GRM8: variants seen among roughly 807,000 people sequenced by gnomAD.
GRM8 encodes the protein glutamate metabotropic receptor 8.
Under a neutral mutation model 87.2 loss-of-function variants are expected in GRM8, and 47 were observed. That is an observed-to-expected ratio of 0.54 (90% CI 0.43 to 0.69). The LOEUF (loss-of-function observed/expected upper bound fraction) is 0.69, where lower values mean the gene tolerates loss of function less well. Among genes scored for constraint, GRM8 ranks in the 30% least tolerant of loss-of-function variants. The pLI is 0.00. For synonymous variants in GRM8, 396 were observed against 404.5 expected (o/e 0.98, Z 0.25); for missense variants, 1,019 against 1,139.2 (o/e 0.89, Z 1.52).
At chr7:126,646,517 G>T (rs1163977813) in intron 7 of GRM8, among the ~76,000 whole-genome samples, 2 of 151,986 alleles carry the variant, frequency 1.3e-5, no homozygotes, top group Non-Finnish European at 2.9e-5. Flanking sequence ...CATTTCAAAG[G>T]CTACAAATTG....
At chr7:126,472,198 G>T (rs1466795234) in intron 9 of GRM8, among the ~76,000 whole-genome samples, 1 of 152,076 alleles carries the variant, frequency 6.6e-6, no homozygotes, top group Non-Finnish European at 1.5e-5. Context: ...CTGCCTAATT[G>T]CTCTGGCCAG....
Position 126,473,127 on chromosome 7 carries a change from G to A in GRM8, c.2431-26755C>T, listed in dbSNP as rs189863290. Among the ~76,000 whole-genome samples the A allele has an allele frequency of 1.0e-3, 152 of 152,274 alleles. 1 individual carries two copies. Among genetic ancestry groups the A allele is most frequent in the African/African-American group, 3.5e-3 (145 of 41,578 alleles). ...GTCCCCACTGGGGCACTGCCTAGTG[G>A]AGCTGTGAGAAGAGGGCCACTGTCC... On this transcript the variant is annotated intron_variant, in intron 9 of 10. Transcript: ENST00000339582.
At chr7:126,782,080 A>G (rs564260278) in intron 6 of GRM8, among the ~76,000 whole-genome samples, 2 of 152,342 alleles carry the variant, frequency 1.3e-5, no homozygotes, top group African/African-American at 2.4e-5. Flanking sequence ...TTGGTCACAC[A>G]CAGCGTATTT....
intron 3 of GRM8, among the ~76,000 whole-genome samples, chr7:127,052,708 G>C (rs17862273): frequency 0.08 from 12,136 of 151,906 alleles, 525 homozygotes; most frequent in South Asian, 0.13. Context: ...TCTCCTTATC[G>C]CTCACCCCAA....
rs781604600 is a variant in GRM8 at position 127,243,083 on chromosome 7, C to T, written c.122G>A (p.Arg41Gln). 7.4e-6 allele frequency: 12 copies of T among 1,613,960 alleles called. No homozygotes were observed. The highest frequency in any genetic ancestry group is 1.1e-5 in the South Asian group (1 of 91,070). Residue 41 changes from arginine (R) to glutamine (Q), a missense_variant, in exon 2 of 11, where the codon CGG (arginine) becomes CAG (glutamine). Arg to Gln is a conservative substitution (Grantham distance 43). Coordinates refer to ENST00000339582, the MANE Select transcript of GRM8 (RefSeq NM_000845.3). The part of the protein sequence containing the change: ...THSQEYAHSI[R>Q]VDGDIILGGL... The stretch of plus-strand genomic sequence containing the variant: ...CCCCAAAATAATGTCCCCATCCACC[C>T]GTATGGAATGGGCATACTCCTGGCT...
At chr7:126,478,250 C>A (rs1258209852) in intron 9 of GRM8, among the ~76,000 whole-genome samples, 1 of 152,062 alleles carries the variant, frequency 6.6e-6, no homozygotes, top group Non-Finnish European at 1.5e-5. Context: ...AATTAATTTT[C>A]TTTTCTTTGT....
chr7:126,689,700 A>G (rs1429501083), intron 7 of GRM8, among the ~76,000 whole-genome samples: 1 of 152,226 alleles, frequency 6.6e-6, no homozygotes, highest in Non-Finnish European at 1.5e-5. Context: ...AATTTATCTC[A>G]TCAACAATTG....
At chr7:126,879,627 C>T (rs1356219921) in intron 6 of GRM8, among the ~76,000 whole-genome samples, 1 of 149,142 alleles carries the variant, frequency 6.7e-6, no homozygotes, top group Non-Finnish European at 1.5e-5. Flanking sequence ...TCACCACATA[C>T]ATTATCATAT....
intron 2 of GRM8, among the ~76,000 whole-genome samples, chr7:127,204,903 A>G (rs1795814557): frequency 6.6e-6 from 1 of 152,192 alleles, no homozygotes; most frequent in Non-Finnish European, 1.5e-5. Context: ...CACCAAATGT[A>G]GCTTATGTAC....
intron 2 of GRM8, among the ~76,000 whole-genome samples, chr7:127,216,395 G>C (rs996997100): frequency 1.3e-5 from 2 of 151,986 alleles, no homozygotes; most frequent in Non-Finnish European, 1.5e-5. Flanking sequence ...GCATGCACCT[G>C]TAATCCCAGC....
intron 2 of GRM8, among the ~76,000 whole-genome samples, chr7:127,138,245 T>C (rs180848156): frequency 6.6e-6 from 1 of 152,220 alleles, no homozygotes; most frequent in East Asian, 1.9e-4. Context: ...CCCCACCCAT[T>C]GCATTCTTTT....
chr7:126,845,869 G>A (rs2130654276), intron 6 of GRM8, among the ~76,000 whole-genome samples: 1 of 152,116 alleles, frequency 6.6e-6, no homozygotes, highest in South Asian at 2.1e-4. Flanking sequence ...GTGTGGGAGA[G>A]AGGGTCAGGG....
rs1189821148 is a variant in GRM8 at position 126,438,907 on chromosome 7, G to C, written c.*212C>G. Reference sequence around the variant, plus strand: ...TCATGAATAAGCAATACTTTAGCTTGACACTCATTGGTTTTATTGTATAAA... The same window carrying C: ...TCATGAATAAGCAATACTTTAGCTTCACACTCATTGGTTTTATTGTATAAA... On this transcript the variant is annotated 3_prime_UTR_variant, in exon 11 of 11. Coordinates refer to ENST00000339582, the MANE Select transcript of GRM8 (RefSeq NM_000845.3). 2 of 466,912 alleles carry C rather than the reference G, an allele frequency of 4.3e-6. No individual in the cohort carries two copies. Among genetic ancestry groups the C allele is most frequent in the Non-Finnish European group, 7.7e-6 (2 of 261,412 alleles). 28.9% of individuals were successfully genotyped at this position (466,912 alleles called of 1,614,324 possible). A position where few individuals can be genotyped will look rare whatever the true frequency, so the allele number is the denominator to read the frequency against.
chr7:126,881,399 C>A (rs989791905), intron 6 of GRM8, among the ~76,000 whole-genome samples: 2 of 152,172 alleles, frequency 1.3e-5, no homozygotes, highest in African/African-American at 4.8e-5. Flanking sequence ...GCGCACAGGA[C>A]CGAAGTAGGA....
intron 6 of GRM8, among the ~76,000 whole-genome samples, chr7:126,801,238 A>C (rs1822641212): frequency 6.6e-6 from 1 of 152,152 alleles, no homozygotes; most frequent in Non-Finnish European, 1.5e-5. Context: ...ATTTGCCAAC[A>C]TTTAAAAAAA....
At chr7:127,161,682 C>T (rs2116226640) in intron 2 of GRM8, among the ~76,000 whole-genome samples, 1 of 151,906 alleles carries the variant, frequency 6.6e-6, no homozygotes, top group African/African-American at 2.4e-5. Context: ...ACTTTTTCTA[C>T]CAAAAAAACT....
chr7:126,694,028 C>T (rs757041101), intron 7 of GRM8, among the ~76,000 whole-genome samples: 7 of 151,858 alleles, frequency 4.6e-5, no homozygotes, highest in African/African-American at 4.8e-5. Context: ...AAATATTCAA[C>T]GTATTAAACG....
chr7:127,034,772 A>G (rs1478416171), intron 3 of GRM8, among the ~76,000 whole-genome samples: 1 of 152,210 alleles, frequency 6.6e-6, no homozygotes, highest in Non-Finnish European at 1.5e-5. Context: ...ACATTGCTGT[A>G]GAGTAGATCA....
chr7:127,023,015 C>T (rs1446420940), intron 3 of GRM8, among the ~76,000 whole-genome samples: 3 of 152,056 alleles, frequency 2.0e-5, no homozygotes, highest in Non-Finnish European at 4.4e-5. Flanking sequence ...TATGCCCCCT[C>T]GCCTTAGTCT....
Sources: allele counts gnomAD v4.1 joint callset (sites outside exome capture counted in the v4.1 genomes callset), GRCh38; gene constraint gnomAD v4.1.1; transcripts MANE v1.5; gene names NCBI Gene and HGNC (gene_info 2026-07-23, HGNC 2026-07-21).